MMP20: variants seen among roughly 807,000 people sequenced by gnomAD.
The protein encoded by MMP20 is matrix metalloproteinase-20.
A neutral mutation model predicts 51.8 loss-of-function variants in MMP20; 50 were observed. The ratio of observed to expected loss-of-function variants is 0.97; its 90% CI spans 0.77 to 1.22. MMP20 has a LOEUF of 1.22. Among genes scored for constraint, MMP20 ranks in the 50% most tolerant of loss-of-function variants. The probability of loss-of-function intolerance (pLI) is 0.00; values close to 1 mark genes in which losing one functional copy is unlikely to be tolerated. For missense variants in MMP20, 663 were observed against 601.4 expected (o/e 1.10, Z -1.07); for synonymous variants, 244 against 216.2 (o/e 1.13, Z -1.13).
At chr11:102,601,780 C>T (rs1472591505) in intron 6 of MMP20, among the ~76,000 whole-genome samples, 1 of 152,228 alleles carries the variant, frequency 6.6e-6, no homozygotes, top group Non-Finnish European at 1.5e-5. Context: ...ATTATACTCT[C>T]AGCCATGAGG....
chr11:102,611,824 C>T lies in MMP20; in HGVS notation c.454G>A (p.Ala152Thr), dbSNP rs370166894. The T allele has an allele frequency of 3.0e-5, 48 of 1,614,124 alleles. No individual in the cohort carries two copies. The highest frequency in any genetic ancestry group is 3.6e-5 in the Non-Finnish European group (43 of 1,180,040). Residue 152 changes from alanine to threonine, a missense_variant, in exon 3 of 10, where the codon GCC (alanine) becomes ACC (threonine). By Grantham distance (58) the Ala-to-Thr change is moderately conservative. Transcript: ENST00000260228. ...ATTCTGACAAAGCTCAGAGGGACGG[C>T]GCTACTCCAGGCCTGCAAGGCCATC... ...VEMALQAWSS[A>T]VPLSFVRINS...
chr11:102,624,794 G>T (rs577986730), intron 1 of MMP20, among the ~76,000 whole-genome samples: 4 of 152,266 alleles, frequency 2.6e-5, no homozygotes, highest in Non-Finnish European at 4.4e-5. Context: ...TGTTGTGACC[G>T]CTAAAGCTTA....
At chr11:102,613,383 T>C (rs1859627953) in intron 2 of MMP20, among the ~76,000 whole-genome samples, 1 of 152,176 alleles carries the variant, frequency 6.6e-6, no homozygotes, top group Admixed American at 6.5e-5. Context: ...TCTCTCTCTC[T>C]CTAGCTCCTA....
At chr11:102,582,398 A>G (rs1395369403) in intron 8 of MMP20, among the ~76,000 whole-genome samples, 1 of 152,188 alleles carries the variant, frequency 6.6e-6, no homozygotes, top group Non-Finnish European at 1.5e-5. Flanking sequence ...GGTTTCTAAG[A>G]TGGTTTCAGG....
rs148949592 is a variant in MMP20 at position 102,625,030 on chromosome 11, G to T, written c.126+164C>A. Among the ~76,000 whole-genome samples, 26 of 152,282 alleles carry T rather than the reference G, an allele frequency of 1.7e-4. 1 individual carries two copies. Among genetic ancestry groups the T allele is most frequent in the African/African-American group, 6.0e-4 (25 of 41,550 alleles). On this transcript the variant is annotated intron_variant, in intron 1 of 9. Transcript: ENST00000260228. ...AACATGGTACACCTAATATGCACCAGACACCAATCTAGGTGGACAGAAGAT... is the reference window on the plus strand; with the variant it reads ...AACATGGTACACCTAATATGCACCATACACCAATCTAGGTGGACAGAAGAT...
intron 6 of MMP20, among the ~76,000 whole-genome samples, chr11:102,602,984 T>C (rs1003364321): frequency 1.2e-4 from 19 of 152,246 alleles, no homozygotes; most frequent in African/African-American, 4.6e-4. Context: ...GTTCATTAAG[T>C]ATATCTAGCT....
intron 9 of MMP20, among the ~76,000 whole-genome samples, chr11:102,578,017 GCTAA>G (rs17174251): frequency 0.03 from 4,601 of 152,252 alleles, 224 homozygotes; most frequent in African/African-American, 0.11. Flanking sequence ...AGAAGAGTGT[GCTAA>G]CTGACTACTT....
At chr11:102,589,496 A>G (rs997591872) in intron 8 of MMP20, among the ~76,000 whole-genome samples, 12 of 152,202 alleles carry the variant, frequency 7.9e-5, no homozygotes, top group African/African-American at 2.4e-4. Flanking sequence ...AACACCCAAC[A>G]TGAGCTGAAT....
At chr11:102,578,730 G>A (rs1383780380) in intron 9 of MMP20, among the ~76,000 whole-genome samples, 4 of 143,608 alleles carry the variant, frequency 2.8e-5, no homozygotes, top group Non-Finnish European at 4.5e-5. Context: ...GCGAGACTCC[G>A]TCTCAAAAAA....
intron 8 of MMP20, among the ~76,000 whole-genome samples, chr11:102,582,755 A>G (rs1859211562): frequency 6.6e-6 from 1 of 152,242 alleles, no homozygotes; most frequent in African/African-American, 2.4e-5. Flanking sequence ...ACAAAATTTC[A>G]TACATAATTA....
chr11:102,616,181 C>T (rs1859667894), intron 2 of MMP20, among the ~76,000 whole-genome samples: 1 of 152,136 alleles, frequency 6.6e-6, no homozygotes, highest in African/African-American at 2.4e-5. Flanking sequence ...ACTGCTTCTG[C>T]TTTGCCTTCG....
At chr11:102,588,278 T>C (rs1414452704) in intron 8 of MMP20, among the ~76,000 whole-genome samples, 1 of 152,078 alleles carries the variant, frequency 6.6e-6, no homozygotes, top group Non-Finnish European at 1.5e-5. Flanking sequence ...TTATACCTAT[T>C]GTATCTATCT....
intron 6 of MMP20, among the ~76,000 whole-genome samples, chr11:102,595,211 A>G (rs576745393): frequency 1.3e-5 from 2 of 152,236 alleles, no homozygotes; most frequent in Non-Finnish European, 2.9e-5. Flanking sequence ...ACAGACATGA[A>G]TGACCATGTC....
rs549367528 is a variant in MMP20, at chr11:102,585,168, A to G, written c.1248-6026T>C. Among the ~76,000 whole-genome samples the G allele has an allele frequency of 3.3e-5, 5 of 152,276 alleles. No individual in the cohort carries two copies. The South Asian group carries it at 1.0e-3, about 32-fold the overall frequency. On this transcript the variant is annotated intron_variant, in intron 8 of 9. Coordinates refer to ENST00000260228, the MANE Select transcript of MMP20 (RefSeq NM_004771.4). The stretch of plus-strand genomic sequence containing the variant: ...AAAGAAACCAGTGGTATTCTGAAAG[A>G]GATTGTGTTGAATCTACAGATCAAT...
At chr11:102,599,787 G>GA (rs1859424603) in intron 6 of MMP20, among the ~76,000 whole-genome samples, 1 of 152,184 alleles carries the variant, frequency 6.6e-6, no homozygotes, top group South Asian at 2.1e-4. Context: ...TGATGAGTCA[G>GA]AAGCCAAGAA....
intron 2 of MMP20, among the ~76,000 whole-genome samples, chr11:102,616,152 G>A (rs1315530739): frequency 6.6e-6 from 1 of 152,134 alleles, no homozygotes; most frequent in African/African-American, 2.4e-5. Flanking sequence ...AGTGAGGGGA[G>A]CTTGGGGCTA....
At chr11:102,617,857 C>G (rs1271631992) in intron 1 of MMP20, among the ~76,000 whole-genome samples, 1 of 152,106 alleles carries the variant, frequency 6.6e-6, no homozygotes, top group South Asian at 2.1e-4. Context: ...TTGAGGCCTG[C>G]CTTTGGCTCA....
chr11:102,582,728 T>C (rs1859211368), intron 8 of MMP20, among the ~76,000 whole-genome samples: 1 of 152,044 alleles, frequency 6.6e-6, no homozygotes, highest in Non-Finnish European at 1.5e-5. Context: ...TAGTATTAAG[T>C]AGAAGAATGT....
Position 102,602,571 on chromosome 11 carries a change from T to C in MMP20, c.953+3964A>G, listed in dbSNP as rs548655688. Among the ~76,000 whole-genome samples the C allele has an allele frequency of 1.1e-4, 16 of 152,336 alleles. No homozygotes were observed. The East Asian group carries it at 2.1e-3, about 20-fold the overall frequency. On this transcript the variant is annotated intron_variant, in intron 6 of 9. Coordinates refer to ENST00000260228, the MANE Select transcript of MMP20 (RefSeq NM_004771.4). ...TCAGGTTAAATTTCAGTGCTTTTCT[T>C]GGTATTTCCATTTCATAGGCAGAAA...
Sources: gnomAD v4.1 joint callset for allele counts (sites outside exome capture counted in the v4.1 genomes callset) on GRCh38, gnomAD v4.1.1 for gene constraint, MANE v1.5 for transcripts, NCBI Gene and HGNC (gene_info 2026-07-23, HGNC 2026-07-21) for gene names.